DYNLL1: variants seen among roughly 807,000 people sequenced by gnomAD.
DYNLL1 encodes the protein dynein light chain LC8-type 1, also known as dynein light chain 1, cytoplasmic.
Under a neutral mutation model 10.1 loss-of-function variants are expected in DYNLL1, and 3 were observed. The observed-to-expected ratio is 0.30, with a 90% CI of 0.14 to 0.77. The LOEUF (loss-of-function observed/expected upper bound fraction) is 0.77, where lower values mean the gene tolerates loss of function less well. Ranked by LOEUF, DYNLL1 falls within the 30% of genes least tolerant of loss-of-function variation. The pLI is 0.66. For synonymous variants in DYNLL1, 46 were observed against 41.2 expected (o/e 1.12, Z -0.45); for missense variants, 47 against 111.7 (o/e 0.42, Z 2.61).
At chr12:120,482,716 C>T (rs890318915) in intron 1 of DYNLL1, among the ~76,000 whole-genome samples, 4 of 152,028 alleles carry the variant, frequency 2.6e-5, no homozygotes, top group Non-Finnish European at 5.9e-5. Flanking sequence ...CACATACTCA[C>T]ATTACCCAAC....
intron 1 of DYNLL1, among the ~76,000 whole-genome samples, chr12:120,484,517 A>C (rs1197045132): frequency 6.6e-6 from 1 of 152,244 alleles, no homozygotes; most frequent in Non-Finnish European, 1.5e-5. Flanking sequence ...TTGAGTTGTA[A>C]GATTACAGAT....
At chr12:120,492,127 C>T (rs542443946), upstream of DYNLL1, 3 of 152,194 alleles carry the variant, frequency 2.0e-5, no homozygotes, top group East Asian at 1.9e-4. The surrounding 1 kb of genome is among the most constrained non-coding windows in gnomAD (Gnocchi z 4.1). Context: ...AATAAAGAGA[C>T]GAACAGTTCT....
In DYNLL1 at chr12:120,498,312, A is replaced by T; in HGVS notation, c.*102A>T. 1 of 1,428,376 alleles carries T rather than the reference A, an allele frequency of 7.0e-7. No individual in the cohort carries two copies. Among genetic ancestry groups the T allele is most frequent in the Non-Finnish European group, 9.4e-7 (1 of 1,066,518 alleles). The allele number at this position is 1,428,376 out of a possible 1,614,324, so 88.5% of individuals were successfully genotyped here. A position where few individuals can be genotyped will look rare whatever the true frequency, so the allele number is the denominator to read the frequency against. ...TGAAATTTTCAGCCTTGCTAAGGGA[A>T]CATCTCGATGTTTGAACCTTTGTTG... On this transcript the variant is annotated 3_prime_UTR_variant, in exon 3 of 3. Coordinates refer to ENST00000242577, the MANE Select transcript of DYNLL1 (RefSeq NM_003746.3).
At chr12:120,484,210 G>A (rs1331988606) in intron 1 of DYNLL1, among the ~76,000 whole-genome samples, 1 of 152,046 alleles carries the variant, frequency 6.6e-6, no homozygotes, top group Non-Finnish European at 1.5e-5. Flanking sequence ...GGAAACTGAT[G>A]ATGCAGGAGA....
chr12:120,474,282 A>G (rs1878709063), intron 1 of DYNLL1, among the ~76,000 whole-genome samples: 1 of 152,154 alleles, frequency 6.6e-6, no homozygotes, highest in Non-Finnish European at 1.5e-5. Flanking sequence ...CCTGGGCGAC[A>G]GAGTGAGATC....
At chr12:120,490,841 AG>A (rs1245516831) in intron 1 of DYNLL1, 1 of 152,270 alleles carries the variant, frequency 6.6e-6, no homozygotes, top group African/African-American at 2.4e-5. Context: ...GCCAAGGTTG[AG>A]AAGTCCTGGT....
chr12:120,486,112 T>C (rs372564082), intron 1 of DYNLL1, among the ~76,000 whole-genome samples: 28 of 152,284 alleles, frequency 1.8e-4, no homozygotes, highest in African/African-American at 5.5e-4. Flanking sequence ...GGCTGTGACA[T>C]TGAGTTTGAG....
chr12:120,472,505 C>T (rs908532897), intron 1 of DYNLL1, among the ~76,000 whole-genome samples: 1 of 152,198 alleles, frequency 6.6e-6, no homozygotes, highest in East Asian at 1.9e-4. Flanking sequence ...GATGCCTTCT[C>T]ATTTTGGGTG....
chr12:120,482,426 C>T (rs1243639353), intron 1 of DYNLL1, among the ~76,000 whole-genome samples: 2 of 151,922 alleles, frequency 1.3e-5, no homozygotes, highest in African/African-American at 4.8e-5. Flanking sequence ...GGGTTCACGC[C>T]ATTCTCCTGC....
At chr12:120,485,839 TAAAAAA>T (rs749971979) in intron 1 of DYNLL1, among the ~76,000 whole-genome samples, 6 of 76,246 alleles carry the variant, frequency 7.9e-5, no homozygotes, top group African/African-American at 1.6e-4. Flanking sequence ...AGTCCCTGTC[TAAAAAA>T]AAAAAAAAAA....
chr12:120,479,188 G>A (rs1364572816), intron 1 of DYNLL1, among the ~76,000 whole-genome samples: 3 of 145,118 alleles, frequency 2.1e-5, no homozygotes, highest in East Asian at 4.3e-4. Context: ...TAGGCCAGGC[G>A]CGGTGGCTCA....
chr12:120,479,260 G>A (rs1878824013), intron 1 of DYNLL1, among the ~76,000 whole-genome samples: 2 of 146,920 alleles, frequency 1.4e-5, no homozygotes, highest in Non-Finnish European at 3.0e-5. Context: ...TCAGGAGTTC[G>A]AGACCAACAT....
chr12:120,486,846 T>C (rs1879005225), intron 1 of DYNLL1, among the ~76,000 whole-genome samples: 1 of 152,102 alleles, frequency 6.6e-6, no homozygotes, highest in Non-Finnish European at 1.5e-5. Flanking sequence ...TCCTCACTGG[T>C]GTCCTGGCTG....
At chr12:120,481,960 C>T (rs1247719480) in intron 1 of DYNLL1, among the ~76,000 whole-genome samples, 3 of 152,178 alleles carry the variant, frequency 2.0e-5, no homozygotes, top group Non-Finnish European at 4.4e-5. Flanking sequence ...GTGATCCTCC[C>T]GCCTCAGCCT....
At chr12:120,494,539 G>C (rs866962369), upstream of DYNLL1, among the ~76,000 whole-genome samples, 22 of 152,234 alleles carry the variant, frequency 1.4e-4, no homozygotes, top group Admixed American at 2.6e-4. Context: ...GCCTCCCAAA[G>C]TGCTGGGATT....
chr12:120,498,158 TC>T lies in DYNLL1; in HGVS notation c.219del (p.Phe73LeufsTer37). 6.2e-7 allele frequency: 1 copy of T among 1,613,992 alleles called. No individual in the cohort carries two copies. The highest frequency in any genetic ancestry group is 8.5e-7 in the Non-Finnish European group (1 of 1,180,006). On this transcript the variant is annotated frameshift_variant, in exon 3 of 3. Transcript: ENST00000242577. LOFTEE classifies it high-confidence loss of function. ...GSYVTHETKH[F>X]IYFYLGQVAI... is the part of the protein sequence containing the mutation. ...TATGTGACACATGAAACCAAACACT[TC>T]ATCTACTTCTACCTGGGCCAAGTGG... is the stretch of plus-strand genomic sequence containing the variant.
chr12:120,493,184 T>C (rs559481940), upstream of DYNLL1, among the ~76,000 whole-genome samples: 10 of 152,328 alleles, frequency 6.6e-5, 1 homozygote, highest in South Asian at 1.9e-3. Context: ...TTACCTTCTA[T>C]TTATGGCCAA....
At chr12:120,486,462 A>G (rs1320200543) in intron 1 of DYNLL1, among the ~76,000 whole-genome samples, 1 of 151,760 alleles carries the variant, frequency 6.6e-6, no homozygotes, top group Non-Finnish European at 1.5e-5. Flanking sequence ...GGGCTTTGCA[A>G]ACAGATGTTT....
upstream of DYNLL1, among the ~76,000 whole-genome samples, chr12:120,494,084 C>T (rs1245983960): frequency 2.6e-5 from 4 of 151,836 alleles, no homozygotes; most frequent in Non-Finnish European, 5.9e-5. Flanking sequence ...GTGGAGTCAC[C>T]GTGGCTTTAC....
Sources: allele counts gnomAD v4.1 joint callset (sites outside exome capture counted in the v4.1 genomes callset), GRCh38; gene constraint gnomAD v4.1.1; non-coding constraint Gnocchi (gnomAD v3.1); transcripts MANE v1.5; gene names NCBI Gene and HGNC (gene_info 2026-07-23, HGNC 2026-07-21).